The following LPAR3 variants were observed in gnomAD, a reference collection of about 807,000 sequenced individuals.
The protein encoded by LPAR3 is lysophosphatidic acid receptor 3.
Under a neutral mutation model 17.8 loss-of-function variants are expected in LPAR3, and 7 were observed. The ratio of observed to expected loss-of-function variants is 0.39; its 90% confidence interval spans 0.22 to 0.74. LPAR3 has a LOEUF of 0.74. Among genes scored for constraint, LPAR3 ranks in the 30% least tolerant of loss-of-function variants. The pLI is 0.40. For missense variants in LPAR3, 391 were observed against 453.4 expected (o/e 0.86, Z 1.25); for synonymous variants, 179 against 179.9 (o/e 0.99, Z 0.04).
chr1:84,821,799 TATTTGG>T (rs1659060708), intron 2 of LPAR3, among the ~76,000 whole-genome samples: 1 of 152,094 alleles, frequency 6.6e-6, no homozygotes, highest in Non-Finnish European at 1.5e-5. Context: ...ACCTGATGAA[TATTTGG>T]ATCTAGGAAG....
At chr1:84,823,455 T>C (rs1659095692) in intron 2 of LPAR3, among the ~76,000 whole-genome samples, 1 of 152,198 alleles carries the variant, frequency 6.6e-6, no homozygotes, top group African/African-American at 2.4e-5. Context: ...TTCAAATAGA[T>C]GATGAGCAGT....
chr1:84,834,622 G>C (rs900621490), intron 2 of LPAR3, among the ~76,000 whole-genome samples: 1 of 152,184 alleles, frequency 6.6e-6, no homozygotes, highest in Non-Finnish European at 1.5e-5. Flanking sequence ...GTGTGTACAA[G>C]ATGATTCATA....
intron 2 of LPAR3, among the ~76,000 whole-genome samples, chr1:84,826,918 A>T (rs894057525): frequency 5.3e-5 from 8 of 152,206 alleles, no homozygotes; most frequent in African/African-American, 1.9e-4. Flanking sequence ...TTGGGAACAA[A>T]TACCTTTGCA....
chr1:84,851,692 T>C (rs1018101874), intron 2 of LPAR3, among the ~76,000 whole-genome samples: 8 of 152,124 alleles, frequency 5.3e-5, no homozygotes, highest in Admixed American at 5.2e-4. Flanking sequence ...ACAGAAAACT[T>C]CGAGGAGCCT....
In LPAR3 at chr1:84,875,265, C is replaced by T. The variant is rs542654245; in HGVS notation, c.-18-9127G>A. The stretch of plus-strand genomic sequence containing the variant: ...AGAGATATTCTTCTTATACAAAGTA[C>T]CTTGTCATATGCAAAAATATATTTT... On this transcript the variant is annotated intron_variant, in intron 1 of 2. Transcript: ENST00000370611. Among the ~76,000 whole-genome samples, 3 of 152,308 alleles carry T rather than the reference C, an allele frequency of 2.0e-5. No individual in the cohort carries two copies. The South Asian group carries it at 6.2e-4, about 32-fold the overall frequency.
chr1:84,886,769 T>C (rs2102774947), intron 1 of LPAR3, among the ~76,000 whole-genome samples: 1 of 152,212 alleles, frequency 6.6e-6, no homozygotes, highest in East Asian at 1.9e-4. Flanking sequence ...AAGGGAGGCC[T>C]AACTAGGTCA....
rs1304631250 is a variant in LPAR3, at chr1:84,891,827, T to C, written c.-19+1189A>G. ...TTCTAAACGGCATCTCAAGACCAGG[T>C]AATGCTACTTTCGGAGGAAAAGGAG... On this transcript the variant is annotated intron_variant, in intron 1 of 2. Transcript: ENST00000370611. 2.6e-5 allele frequency among the ~76,000 whole-genome samples: 4 copies of C among 152,266 alleles called. No individual in the cohort carries two copies. The East Asian group carries it at 5.8e-4, about 22-fold the overall frequency.
In LPAR3 at chr1:84,865,377, T is replaced by C; in HGVS notation, c.736+8A>G. 1.2e-6 allele frequency: 2 copies of C among 1,600,374 alleles called. No homozygotes were observed. Among genetic ancestry groups the C allele is most frequent in the African/African-American group, 2.7e-5 (2 of 74,846 alleles). ...GGAATGATGGCTTGCTTGGGTCCTCTTACCTACCTAAGACAGTCATCACCG... is the reference window on the plus strand; with the variant it reads ...GGAATGATGGCTTGCTTGGGTCCTCCTACCTACCTAAGACAGTCATCACCG... On this transcript the variant is annotated splice_region_variant and intron_variant, in intron 2 of 2. Transcript: ENST00000370611.
chr1:84,831,593 C>T (rs931723276), intron 2 of LPAR3, among the ~76,000 whole-genome samples: 41 of 151,590 alleles, frequency 2.7e-4, no homozygotes, highest in Non-Finnish European at 5.4e-4. Context: ...CACATTTTGA[C>T]TTACTCATCT....
intron 2 of LPAR3, among the ~76,000 whole-genome samples, chr1:84,843,846 C>T (rs2102755732): frequency 6.6e-6 from 1 of 152,324 alleles, no homozygotes; most frequent in East Asian, 1.9e-4. Flanking sequence ...TCTGCTGTTG[C>T]CAGCTCTACC....
chr1:84,846,352 G>A (rs981938165), intron 2 of LPAR3, among the ~76,000 whole-genome samples: 4 of 152,132 alleles, frequency 2.6e-5, no homozygotes, highest in African/African-American at 4.8e-5. Context: ...TTGCAGAACT[G>A]CATACAATTT....
chr1:84,845,971 T>C (rs1466192065), intron 2 of LPAR3, among the ~76,000 whole-genome samples: 2 of 152,170 alleles, frequency 1.3e-5, no homozygotes, highest in African/African-American at 4.8e-5. Context: ...GCCACAATCC[T>C]AAGTCATTAC....
At chr1:84,865,336 A>AT (rs775673457) in intron 2 of LPAR3, 49 bp downstream of exon 2, 60 of 1,543,862 alleles carry the variant, frequency 3.9e-5, no homozygotes, top group Non-Finnish European at 5.2e-5. Context: ...CTCCGTAAAG[A>AT]TTTGCTGAAT....
intron 2 of LPAR3, among the ~76,000 whole-genome samples, chr1:84,822,168 G>T (rs1026861137): frequency 7.9e-5 from 12 of 152,248 alleles, no homozygotes; most frequent in African/African-American, 2.6e-4. Flanking sequence ...CTGTGGCCAA[G>T]TGACAGGTCA....
At position 84,820,914 on chromosome 1, in the gene LPAR3, A is replaced by G. The variant is rs538067365; in HGVS notation, c.737-6743T>C. 6.1e-3 allele frequency among the ~76,000 whole-genome samples: 932 copies of G among 152,290 alleles called. 7 individuals are homozygous for G. Among genetic ancestry groups the G allele is most frequent in the Non-Finnish European group, 8.3e-3 (562 of 68,020 alleles). ...AGTGGGTTGTGAAATCAATTTAGTGAGTTGCAACCAGCGATTTTTTAAAAA... is the reference window on the plus strand; with the variant it reads ...AGTGGGTTGTGAAATCAATTTAGTGGGTTGCAACCAGCGATTTTTTAAAAA... On this transcript the variant is annotated intron_variant, in intron 2 of 2. Coordinates refer to ENST00000370611, the MANE Select transcript of LPAR3 (RefSeq NM_012152.3).
intron 2 of LPAR3, among the ~76,000 whole-genome samples, chr1:84,857,883 C>G (rs985244710): frequency 6.6e-6 from 1 of 152,088 alleles, no homozygotes; most frequent in African/African-American, 2.4e-5. Context: ...GTCATGAATG[C>G]TAAATGAAAT....
intron 2 of LPAR3, among the ~76,000 whole-genome samples, chr1:84,848,718 T>A (rs1659638773): frequency 6.6e-6 from 1 of 152,154 alleles, no homozygotes; most frequent in South Asian, 2.1e-4. Flanking sequence ...AGGTAGAGCC[T>A]CCAGAACAAC....
chr1:84,842,129 T>C (rs189409701), intron 2 of LPAR3, among the ~76,000 whole-genome samples: 1 of 152,338 alleles, frequency 6.6e-6, no homozygotes, highest in Non-Finnish European at 1.5e-5. Flanking sequence ...TCCTTAGGCA[T>C]GGTAATCTCC....
intron 2 of LPAR3, among the ~76,000 whole-genome samples, chr1:84,848,140 A>G (rs574974193): frequency 5.3e-5 from 8 of 152,316 alleles, no homozygotes; most frequent in African/African-American, 1.9e-4. Context: ...GCCTGGCCAC[A>G]GCCTGCCAGT....
Sources: allele counts gnomAD v4.1 joint callset (sites outside exome capture counted in the v4.1 genomes callset), GRCh38; gene constraint gnomAD v4.1.1; transcripts MANE v1.5; gene names NCBI Gene and HGNC (gene_info 2026-07-23, HGNC 2026-07-21).